RBFOX1: variants seen among roughly 807,000 people sequenced by gnomAD.
The protein encoded by RBFOX1 is RNA binding fox-1 homolog 1, also known as RNA binding protein fox-1 homolog 1.
RBFOX1 carries 8 observed loss-of-function variants against 57.7 expected under a neutral mutation model. The ratio of observed to expected loss-of-function variants is 0.14; its 90% confidence interval spans 0.08 to 0.25. RBFOX1 has a LOEUF of 0.25. Ranked by LOEUF, RBFOX1 falls within the 10% of genes least tolerant of loss-of-function variation. The pLI is 1.00. For missense variants in RBFOX1, 611 were observed against 548.5 expected, an observed-to-expected ratio of 1.11 and a Z score of -1.14; for synonymous variants, 326 against 222.4, an observed-to-expected ratio of 1.47 and a Z score of -4.15.
intron 3 of RBFOX1, among the ~76,000 whole-genome samples, chr16:6,892,788 CT>C (rs2065815172): frequency 3.9e-5 from 3 of 76,468 alleles, no homozygotes; most frequent in African/African-American, 1.4e-4. Flanking sequence ...CTCTCTCTCT[CT>C]CTCTCTCTCT....
At chr16:6,665,847 A>T (rs1228759470) in intron 3 of RBFOX1, among the ~76,000 whole-genome samples, 1 of 152,120 alleles carries the variant, frequency 6.6e-6, no homozygotes, top group Non-Finnish European at 1.5e-5. Context: ...CATGTTACAG[A>T]TGAGAAAAAT....
At chr16:6,244,962 C>T (rs1006867483) in intron 1 of RBFOX1, among the ~76,000 whole-genome samples, 3 of 126,902 alleles carry the variant, frequency 2.4e-5, no homozygotes, top group Non-Finnish European at 3.8e-5. Context: ...TTTTGTTTTT[C>T]GTTCTGGAGT....
chr16:6,039,103 G>C (rs559290590), intron 1 of RBFOX1: 6 of 151,746 alleles, frequency 4.0e-5, no homozygotes, highest in Admixed American at 1.3e-4. Context: ...TGTGCATAGC[G>C]GGGAGAAGGG....
At chr16:7,165,387 G>GTAATAGTAATAATAATAA (rs1555525490) in intron 4 of RBFOX1, among the ~76,000 whole-genome samples, 54 of 141,198 alleles carry the variant, frequency 3.8e-4, no homozygotes, top group Admixed American at 2.2e-3. Context: ...TAACTCTTCT[G>GTAATAGTAATAATAATAA]TAATAATAAT....
rs2064941541 is a variant in RBFOX1, at chr16:6,716,900, C to T, written c.-16+62250C>T. ...ATCCATACATGGAAATCCTAACTCC[C>T]AATGTGATGGTATTAGGAGGTGGGG... On this transcript the variant is annotated intron_variant, in intron 3 of 15. Coordinates refer to ENST00000550418, the MANE Select transcript of RBFOX1 (RefSeq NM_018723.4). 2.0e-5 allele frequency among the ~76,000 whole-genome samples: 3 copies of T among 152,170 alleles called. No homozygotes were observed. The South Asian group carries it at 6.2e-4, about 31-fold the overall frequency.
chr16:7,648,233 T>TTTA lies in RBFOX1; in HGVS notation c.758-5580_758-5579insATT, dbSNP rs1568270922. 5.3e-5 allele frequency among the ~76,000 whole-genome samples: 8 copies of TTTA among 151,870 alleles called. No individual in the cohort carries two copies. In the South Asian group the frequency reaches 1.2e-3, roughly 24 times the overall value. On this transcript the variant is annotated intron_variant, in intron 11 of 15. Transcript: ENST00000550418. ...GAAAAAATTATTTATTTATTTATTT[T>TTTA]TTTTGAGACTGAGTCTTGGTCTGTC...
chr16:7,253,271 C>G (rs2094557207), intron 4 of RBFOX1, among the ~76,000 whole-genome samples: 1 of 152,204 alleles, frequency 6.6e-6, no homozygotes, highest in Admixed American at 6.5e-5. Flanking sequence ...ATCAACAAAT[C>G]ATTCTGTCAG....
chr16:6,984,999 T>G (rs2089918237), intron 3 of RBFOX1, among the ~76,000 whole-genome samples: 1 of 150,798 alleles, frequency 6.6e-6, no homozygotes, highest in African/African-American at 2.4e-5. Flanking sequence ...GAGGGCTCCT[T>G]GAAAAACCCA....
At chr16:7,437,818 G>A (rs1010762350) in intron 4 of RBFOX1, among the ~76,000 whole-genome samples, 7 of 151,578 alleles carry the variant, frequency 4.6e-5, no homozygotes, top group African/African-American at 1.2e-4. Flanking sequence ...TGTGCTGGTC[G>A]GCCCCTTCTG....
At chr16:5,677,205 A>G (rs2050194339) in intron 3 of RBFOX1, among the ~76,000 whole-genome samples, 1 of 152,212 alleles carries the variant, frequency 6.6e-6, no homozygotes. Context: ...TTTCTAAAAG[A>G]CCAGAGATAC....
intron 10 of RBFOX1, among the ~76,000 whole-genome samples, chr16:7,620,997 A>G (rs3785229): frequency 0.41 from 62,255 of 151,854 alleles, 15,138 homozygotes; most frequent in Non-Finnish European, 0.53. Flanking sequence ...TGTCAGCACC[A>G]TCTGCATCCC....
intron 4 of RBFOX1, among the ~76,000 whole-genome samples, chr16:7,165,231 G>A (rs532312256): frequency 6.6e-6 from 1 of 152,104 alleles, no homozygotes; most frequent in East Asian, 2.0e-4. Flanking sequence ...GTGACATGCA[G>A]TCGTGAGGTT....
At chr16:7,330,498 GTGTGTGTGTGTT>G (rs1392576577) in intron 4 of RBFOX1, among the ~76,000 whole-genome samples, 8,559 of 101,730 alleles carry the variant, frequency 0.084, 422 homozygotes, top group Non-Finnish European at 0.11. Flanking sequence ...GTGTGTGTGT[GTGTGTGTGTGTT>G]TGTGTGTGTG....
chr16:7,394,233 A>G (rs1471132952), intron 4 of RBFOX1, among the ~76,000 whole-genome samples: 1 of 94,600 alleles, frequency 1.1e-5, no homozygotes, highest in Admixed American at 1.3e-4. Context: ...AAGACTCCGC[A>G]TCAAAAAAAA....
chr16:7,538,023 A>G (rs1392603244), intron 5 of RBFOX1, among the ~76,000 whole-genome samples: 1 of 152,190 alleles, frequency 6.6e-6, no homozygotes, highest in Non-Finnish European at 1.5e-5. Context: ...TGAGTCAGAC[A>G]TTGTCTGTGC....
chr16:7,547,316 CTGTT>C (rs764671286), intron 5 of RBFOX1, among the ~76,000 whole-genome samples: 1 of 152,214 alleles, frequency 6.6e-6, no homozygotes, highest in African/African-American at 2.4e-5. Flanking sequence ...CTTACAAAGT[CTGTT>C]TGTAAGTGGC....
At chr16:6,475,087 A>G (rs1465806596) in intron 2 of RBFOX1, among the ~76,000 whole-genome samples, 1 of 152,220 alleles carries the variant, frequency 6.6e-6, no homozygotes, top group Non-Finnish European at 1.5e-5. Flanking sequence ...TATATGCAGT[A>G]GAAAATGTCT....
At chr16:7,488,747 TCTAC>T (rs150287505) in intron 4 of RBFOX1, among the ~76,000 whole-genome samples, 2,067 of 152,286 alleles carry the variant, frequency 0.014, 42 homozygotes, top group African/African-American at 0.045. Flanking sequence ...CTATCTACTA[TCTAC>T]CTATCACTTT....
intron 2 of RBFOX1, among the ~76,000 whole-genome samples, chr16:5,499,607 G>T (rs1361174595): frequency 1.3e-5 from 2 of 150,766 alleles, no homozygotes. Context: ...GAGTCTCGCT[G>T]TATCGTCCAG....
Sources: gnomAD v4.1 joint callset for allele counts (sites outside exome capture counted in the v4.1 genomes callset) on GRCh38, gnomAD v4.1.1 for gene constraint, MANE v1.5 for transcripts, NCBI Gene and HGNC (gene_info 2026-07-23, HGNC 2026-07-21) for gene names.